The following ATG7 variants were observed in gnomAD, a reference collection of about 807,000 sequenced individuals.
ATG7 encodes ubiquitin-like modifier-activating enzyme ATG7.
Under a neutral mutation model 82.4 loss-of-function variants are expected in ATG7, and 70 were observed. That is an observed-to-expected ratio of 0.85 (90% CI 0.70 to 1.04). The LOEUF is 1.04. ATG7 is among the 50% of genes least tolerant of loss of function. The pLI, the probability that ATG7 is intolerant of heterozygous loss-of-function variation, is 0.00. For synonymous variants in ATG7, 287 were observed against 313.0 expected, an observed-to-expected ratio of 0.92 and a Z score of 0.88; for missense variants, 792 against 864.3, an observed-to-expected ratio of 0.92 and a Z score of 1.05.
intron 19 of ATG7, among the ~76,000 whole-genome samples, chr3:11,411,737 G>C (rs1222258969): frequency 6.6e-6 from 1 of 150,522 alleles, no homozygotes; most frequent in Non-Finnish European, 1.5e-5. Context: ...ATGAAATTCA[G>C]TCTATTTTTT....
At chr3:11,435,253 G>A (rs945719626) in intron 20 of ATG7, among the ~76,000 whole-genome samples, 9 of 152,084 alleles carry the variant, frequency 5.9e-5, no homozygotes, top group African/African-American at 2.2e-4. Flanking sequence ...AGCCTTAATA[G>A]AACATTGCTT....
chr3:11,446,409 G>A, intron 20 of ATG7: 1 of 330,302 alleles, frequency 3.0e-6, no homozygotes, highest in South Asian at 2.4e-5. Flanking sequence ...ATCTACTTTT[G>A]TAAATGCGTT....
chr3:11,433,784 T>C (rs1341798094), intron 20 of ATG7, among the ~76,000 whole-genome samples: 2 of 152,214 alleles, frequency 1.3e-5, no homozygotes, highest in Non-Finnish European at 2.9e-5. Flanking sequence ...ATTAATATAA[T>C]TTGCATTTTG....
At chr3:11,417,044 C>G (rs980659859) in intron 19 of ATG7, among the ~76,000 whole-genome samples, 2 of 152,054 alleles carry the variant, frequency 1.3e-5, no homozygotes, top group African/African-American at 2.4e-5. Flanking sequence ...AGAGCAGACT[C>G]TTTATGATTT....
chr3:11,428,783 A>C (rs1229077278), intron 20 of ATG7, among the ~76,000 whole-genome samples: 1 of 152,206 alleles, frequency 6.6e-6, no homozygotes. Context: ...ACCCAGCTAG[A>C]AGTAACTTAT....
chr3:11,562,749 G>A, the ATG7 span, among the ~76,000 whole-genome samples: 3 of 152,242 alleles, frequency 2.0e-5, no homozygotes, highest in South Asian at 6.2e-4. Flanking sequence ...ACCAACCCCA[G>A]CCGAAAATGA....
chr3:11,286,162 C>T (rs1186922002), intron 3 of ATG7, among the ~76,000 whole-genome samples: 6 of 152,192 alleles, frequency 3.9e-5, no homozygotes, highest in East Asian at 1.9e-4. Flanking sequence ...CTGTTTGTCA[C>T]GTTGCTGCTG....
intron 20 of ATG7, among the ~76,000 whole-genome samples, chr3:11,527,473 T>C (rs982853281): frequency 4.6e-5 from 7 of 152,180 alleles, no homozygotes; most frequent in Non-Finnish European, 7.4e-5. Flanking sequence ...TGGGTAACTA[T>C]TTAATACCAT....
chr3:11,486,004 A>T (rs1185624093), intron 20 of ATG7, among the ~76,000 whole-genome samples: 1 of 152,198 alleles, frequency 6.6e-6, no homozygotes, highest in African/African-American at 2.4e-5. Flanking sequence ...CTTTTGGCTT[A>T]GGATTGACTT....
chr3:11,286,583 C>CTTTTTTTTTTTTTTTTTTTTTTTTTTTTT (rs5846700), intron 3 of ATG7, among the ~76,000 whole-genome samples: 1 of 66,956 alleles, frequency 1.5e-5, no homozygotes, highest in Non-Finnish European at 2.5e-5. Context: ...TTCTTTCTTT[C>CTTTTTTTTTTTTTTTTTTTTTTTTTTTTT]TTTTTTTTTT....
intron 3 of ATG7, among the ~76,000 whole-genome samples, chr3:11,292,579 C>T (rs1278044736): frequency 6.7e-6 from 1 of 148,162 alleles, no homozygotes; most frequent in Admixed American, 6.8e-5. Flanking sequence ...GAATTTCTTA[C>T]TTCTTGGAAC....
At chr3:11,485,630 G>A (rs1443217411) in intron 20 of ATG7, among the ~76,000 whole-genome samples, 1 of 152,182 alleles carries the variant, frequency 6.6e-6, no homozygotes, top group Admixed American at 6.5e-5. Context: ...CCTATGTCCT[G>A]AATGGTAATG....
intron 20 of ATG7, among the ~76,000 whole-genome samples, chr3:11,550,599 T>C (rs1332437438): frequency 6.6e-6 from 1 of 152,160 alleles, no homozygotes; most frequent in Non-Finnish European, 1.5e-5. Context: ...GGTCTCCTTA[T>C]GTTGCCCAGG....
intron 19 of ATG7, among the ~76,000 whole-genome samples, chr3:11,391,834 A>C (rs1191543127): frequency 6.6e-6 from 1 of 152,102 alleles, no homozygotes; most frequent in African/African-American, 2.4e-5. Context: ...AGAGAGCATT[A>C]GGCTCAGAGA....
intron 20 of ATG7, among the ~76,000 whole-genome samples, chr3:11,499,599 TAGAC>T (rs1386441509): frequency 6.6e-6 from 1 of 151,520 alleles, no homozygotes; most frequent in Admixed American, 6.6e-5. Flanking sequence ...TACAAAAAAT[TAGAC>T]AGGTGTGGTG....
At chr3:11,273,401 A>G (rs1418612550) in intron 1 of ATG7, among the ~76,000 whole-genome samples, 1 of 152,130 alleles carries the variant, frequency 6.6e-6, no homozygotes, top group African/African-American at 2.4e-5. Context: ...GAAAGCAGCT[A>G]CTCGGTAATC....
At chr3:11,547,287 G>A (rs952710828) in intron 20 of ATG7, among the ~76,000 whole-genome samples, 1 of 152,198 alleles carries the variant, frequency 6.6e-6, no homozygotes, top group African/African-American at 2.4e-5. Flanking sequence ...TAAAATGGGG[G>A]CAAACATGTG....
intron 11 of ATG7, among the ~76,000 whole-genome samples, chr3:11,336,161 G>A (rs1952448953): frequency 6.7e-6 from 1 of 150,190 alleles, no homozygotes; most frequent in Non-Finnish European, 1.5e-5. Flanking sequence ...AGCCTCCTGA[G>A]TAGCTGGGAC....
intron 20 of ATG7, among the ~76,000 whole-genome samples, chr3:11,459,779 A>G (rs1403041775): frequency 6.6e-6 from 1 of 152,236 alleles, no homozygotes; most frequent in Non-Finnish European, 1.5e-5. Flanking sequence ...GAGTGGCAAC[A>G]TAGACCAAGC....
Sources: gnomAD v4.1 joint callset for allele counts (sites outside exome capture counted in the v4.1 genomes callset) on GRCh38, gnomAD v4.1.1 for gene constraint, MANE v1.5 for transcripts, NCBI Gene and HGNC (gene_info 2026-07-23, HGNC 2026-07-21) for gene names.